Variants in RGS9 observed in about 807,000 individuals in gnomAD.
RGS9 encodes the protein regulator of G-protein signalling 9.
RGS9 carries 78 observed loss-of-function variants against 102.0 expected under a neutral mutation model. The observed-to-expected ratio is 0.76, with a 90% CI of 0.64 to 0.92. The LOEUF (loss-of-function observed/expected upper bound fraction) is 0.92, where lower values mean the gene tolerates loss of function less well. Ranked by LOEUF, RGS9 falls within the 40% of genes least tolerant of loss-of-function variation. The pLI, the probability that RGS9 is intolerant of heterozygous loss-of-function variation, is 0.00. For synonymous variants in RGS9, 353 were observed against 318.6 expected, an observed-to-expected ratio of 1.11 and a Z score of -1.15; for missense variants, 833 against 866.1, an observed-to-expected ratio of 0.96 and a Z score of 0.48.
At position 65,198,191 on chromosome 17, in the gene RGS9, T is replaced by A. The variant is rs76957420; in HGVS notation, c.976+950T>A. On this transcript the variant is annotated intron_variant, in intron 13 of 18. Coordinates refer to ENST00000262406, the MANE Select transcript of RGS9 (RefSeq NM_003835.4). ...CTTCAGGGCCTTAGGAGGGTGTGGA[T>A]TTTAGTGAAATGGGCAGGGCCACAT... Among the ~76,000 whole-genome samples the A allele has an allele frequency of 5.7e-3, 874 of 152,120 alleles. 7 individuals are homozygous for A. The highest frequency in any genetic ancestry group is 0.02 in the African/African-American group (834 of 41,482).
intron 1 of RGS9, among the ~76,000 whole-genome samples, chr17:65,145,536 C>T (rs939395924): frequency 5.3e-5 from 8 of 150,160 alleles, no homozygotes; most frequent in Non-Finnish European, 8.8e-5. Context: ...TGTAGCCTGC[C>T]ACCACTCCTG....
At chr17:65,185,364 G>A (rs1031711339) in intron 9 of RGS9, 5 of 152,544 alleles carry the variant, frequency 3.3e-5, no homozygotes, top group Middle Eastern at 3.4e-3. Flanking sequence ...TGAAGTGAAA[G>A]ATCATCAAAG....
At chr17:65,177,625 C>T (rs1911695284) in intron 8 of RGS9, 107 bp from the exon 9 acceptor site, 1 of 1,112,808 alleles carries the variant, frequency 9.0e-7, no homozygotes, top group South Asian at 1.2e-5. Context: ...AGGCCACAAG[C>T]TCTTCTCAGC....
chr17:65,197,252 GT>G lies in RGS9; in HGVS notation c.976+14del. ...AGAAAGAATTCAGTGGTGGGTCTTT[GT>G]TTACAAAAAAAAATTAAAATAACTT... On this transcript the variant is annotated intron_variant, in intron 13 of 18. Transcript: ENST00000262406. 1 of 1,536,226 alleles carries G rather than the reference GT, an allele frequency of 6.5e-7. No homozygotes were observed. Among genetic ancestry groups the G allele is most frequent in the African/African-American group, 1.4e-5 (1 of 72,800 alleles).
chr17:65,177,711 T>C, intron 8 of RGS9, 21 bp from the exon 9 acceptor site: 1 of 1,611,214 alleles, frequency 6.2e-7, no homozygotes, highest in Non-Finnish European at 8.5e-7. Context: ...AATGACCTTA[T>C]GTTGTTTTTA....
chr17:65,180,676 T>G (rs1376829309), intron 9 of RGS9, among the ~76,000 whole-genome samples: 1 of 152,110 alleles, frequency 6.6e-6, no homozygotes, highest in Non-Finnish European at 1.5e-5. Context: ...AAACTTTTAT[T>G]TTAGGTTCAG....
intron 9 of RGS9, among the ~76,000 whole-genome samples, chr17:65,178,477 T>G (rs1911730553): frequency 6.7e-6 from 1 of 149,188 alleles, no homozygotes; most frequent in African/African-American, 2.5e-5. Context: ...TTCTTTTTTT[T>G]TCCTATTTAT....
chr17:65,169,002 C>T (rs1405537819), intron 8 of RGS9, among the ~76,000 whole-genome samples: 1 of 152,130 alleles, frequency 6.6e-6, no homozygotes, highest in East Asian at 1.9e-4. Context: ...GCCTATGGGT[C>T]ATGGGAGGTA....
chr17:65,213,282 G>T (rs1383903717), intron 17 of RGS9, among the ~76,000 whole-genome samples: 2 of 152,200 alleles, frequency 1.3e-5, no homozygotes, highest in Non-Finnish European at 2.9e-5. Flanking sequence ...AAATGTACAT[G>T]AATTTTTAAA....
At chr17:65,218,837 C>G (rs540123429) in intron 17 of RGS9, among the ~76,000 whole-genome samples, 2 of 152,346 alleles carry the variant, frequency 1.3e-5, no homozygotes, top group African/African-American at 4.8e-5. Context: ...TATTCAGCAC[C>G]TGTTACATGC....
intron 1 of RGS9, 119 bp downstream of exon 1, chr17:65,137,716 G>C: frequency 2.4e-6 from 2 of 845,862 alleles, no homozygotes; most frequent in East Asian, 5.3e-5. Context: ...TGTGCTGCTC[G>C]ATTTTATTAA....
At chr17:65,207,348 C>A (rs1230094324) in intron 15 of RGS9, among the ~76,000 whole-genome samples, 1 of 152,130 alleles carries the variant, frequency 6.6e-6, no homozygotes, top group Non-Finnish European at 1.5e-5. Flanking sequence ...CTGTAATTCT[C>A]AAACTTAAAG....
rs558925835 is a variant in RGS9, at chr17:65,137,980, A to AGTGT, written c.57+394_57+397dup. On this transcript the variant is annotated intron_variant, in intron 1 of 18. Coordinates refer to ENST00000262406, the MANE Select transcript of RGS9 (RefSeq NM_003835.4). ...CTGATCCCAAACTGCACTATTTTAA[A>AGTGT]GTGTGTGTGTGTGTACACATAGACC... 3.0e-3 allele frequency among the ~76,000 whole-genome samples: 449 copies of AGTGT among 152,044 alleles called. 1 individual carries two copies. Among genetic ancestry groups the AGTGT allele is most frequent in the African/African-American group, 0.01 (418 of 41,512 alleles).
At chr17:65,165,758 A>T (rs1358194724) in intron 7 of RGS9, among the ~76,000 whole-genome samples, 3 of 152,106 alleles carry the variant, frequency 2.0e-5, no homozygotes, top group African/African-American at 7.2e-5. Context: ...CACAGATAAG[A>T]TCACCTCAAT....
At chr17:65,160,677 C>T in intron 5 of RGS9, 90 bp downstream of exon 5, 1 of 1,485,452 alleles carries the variant, frequency 6.7e-7, no homozygotes, top group Non-Finnish European at 9.3e-7. Flanking sequence ...GTCTTGCTGT[C>T]ATCATGACCT....
chr17:65,149,643 C>G (rs1192528442), intron 1 of RGS9, among the ~76,000 whole-genome samples: 1 of 152,104 alleles, frequency 6.6e-6, no homozygotes, highest in Non-Finnish European at 1.5e-5. Flanking sequence ...TAATTCTAAC[C>G]ATAATAGTGA....
In RGS9 at chr17:65,163,013, G is replaced by GA; in HGVS notation, c.428dup (p.Asn143LysfsTer12). ...TTCTCATTTTGTTTTTCTTCTTTAG[G>GA]AAAATTACAATTTCTTGAACCAAAA... is the stretch of plus-strand genomic sequence containing the variant. On this transcript the variant is annotated frameshift_variant and splice_region_variant, in exon 7 of 19. Coordinates refer to ENST00000262406, the MANE Select transcript of RGS9 (RefSeq NM_003835.4). LOFTEE classifies it high-confidence loss of function. The GA allele has an allele frequency of 6.5e-7, 1 of 1,543,616 alleles. No individual in the cohort carries two copies.
intron 6 of RGS9, among the ~76,000 whole-genome samples, chr17:65,161,262 G>GT (rs559155632): frequency 1.3e-5 from 2 of 151,676 alleles, no homozygotes; most frequent in Admixed American, 6.6e-5. Flanking sequence ...TGTTTTTTTT[G>GT]TTTTTTTGAG....
chr17:65,212,763 A>G (rs1913352864), intron 17 of RGS9, among the ~76,000 whole-genome samples: 1 of 152,234 alleles, frequency 6.6e-6, no homozygotes, highest in South Asian at 2.1e-4. Flanking sequence ...CTGAAAGTGC[A>G]TGGAGGGATA....
Sources: allele counts gnomAD v4.1 joint callset (sites outside exome capture counted in the v4.1 genomes callset), GRCh38; gene constraint gnomAD v4.1.1; transcripts MANE v1.5; gene names NCBI Gene and HGNC (gene_info 2026-07-23, HGNC 2026-07-21).